Variants in HSD17B12 observed in about 807,000 individuals in gnomAD.
HSD17B12 encodes very-long-chain 3-oxoacyl-CoA reductase.
A neutral mutation model predicts 39.3 loss-of-function variants in HSD17B12; 32 were observed. That is an observed-to-expected ratio of 0.81 (90% CI 0.61 to 1.09). The LOEUF (loss-of-function observed/expected upper bound fraction) is 1.09, where lower values mean the gene tolerates loss of function less well. Ranked by LOEUF, HSD17B12 falls within the 50% of genes least tolerant of loss-of-function variation. HSD17B12 has a pLI of 0.00. For synonymous variants in HSD17B12, 150 were observed against 146.7 expected, an observed-to-expected ratio of 1.02 and a Z score of -0.16; for missense variants, 342 against 382.9, an observed-to-expected ratio of 0.89 and a Z score of 0.89.
chr11:43,835,026 G>A (rs185831687), intron 7 of HSD17B12, among the ~76,000 whole-genome samples: 4 of 152,194 alleles, frequency 2.6e-5, no homozygotes, highest in Middle Eastern at 3.4e-3. Flanking sequence ...TGTTTATTTG[G>A]ATATTTGTCA....
At chr11:43,678,210 T>C (rs1478869490), upstream of HSD17B12, among the ~76,000 whole-genome samples, 5 of 152,228 alleles carry the variant, frequency 3.3e-5, no homozygotes. Context: ...TTCATGTGTC[T>C]GTTGCCTGCA....
At chr11:43,709,091 GA>G (rs780481378) in intron 1 of HSD17B12, among the ~76,000 whole-genome samples, 11 of 152,234 alleles carry the variant, frequency 7.2e-5, no homozygotes, top group Non-Finnish European at 1.2e-4. Flanking sequence ...CTACATAAAA[GA>G]AAGAAATTGT....
Position 43,680,981 on chromosome 11 carries a change from T to C in HSD17B12, c.154T>C (p.Trp52Arg). The stretch of plus-strand genomic sequence containing the variant: ...GGGGGTCGGCCCGGGGCTCGGAGAA[T>C]GGGCAGGTGAGTCGGATGCAGCGCC... ...EAGVGPGLGEWAVVTGSTDGI... is the reference protein window; with the variant it reads ...EAGVGPGLGERAVVTGSTDGI... Residue 52 changes from tryptophan to arginine, a missense_variant, in exon 1 of 11, where the codon TGG (tryptophan) becomes CGG (arginine). Trp to Arg is a moderately radical substitution (Grantham distance 101). Coordinates refer to ENST00000278353, the MANE Select transcript of HSD17B12 (RefSeq NM_016142.3). 6.3e-7 allele frequency: 1 copy of C among 1,597,780 alleles called. No individual in the cohort carries two copies. Among genetic ancestry groups the C allele is most frequent in the Non-Finnish European group, 8.5e-7 (1 of 1,169,776 alleles).
chr11:43,801,626 A>ATG (rs1554969000), intron 4 of HSD17B12, among the ~76,000 whole-genome samples: 1 of 19,486 alleles, frequency 5.1e-5, no homozygotes, highest in Non-Finnish European at 1.5e-4. Context: ...ATATATATAT[A>ATG]TATATGTATA....
chr11:43,722,393 T>A (rs1034746295), intron 1 of HSD17B12, among the ~76,000 whole-genome samples: 3 of 152,222 alleles, frequency 2.0e-5, no homozygotes, highest in African/African-American at 7.2e-5. Context: ...GATGTATTTA[T>A]ATTTTAATGT....
the HSD17B12 span, among the ~76,000 whole-genome samples, chr11:43,634,106 A>AAAAAAAAAAAAAAC: frequency 2.2e-5 from 3 of 136,718 alleles, no homozygotes; most frequent in Non-Finnish European, 3.2e-5. Context: ...AAAAAAAAAA[A>AAAAAAAAAAAAAAC]AAAGAAAGAC....
chr11:43,666,511 T>C, the HSD17B12 span, among the ~76,000 whole-genome samples: 1 of 152,146 alleles, frequency 6.6e-6, no homozygotes, highest in Non-Finnish European at 1.5e-5. Context: ...GGCCATTTTT[T>C]GTTTGTTTGT....
chr11:43,722,833 G>GAA (rs5791587), intron 1 of HSD17B12, among the ~76,000 whole-genome samples: 11 of 150,028 alleles, frequency 7.3e-5, no homozygotes, highest in Non-Finnish European at 1.0e-4. Context: ...TGGGCAACAA[G>GAA]AAAAAAAAAA....
intron 1 of HSD17B12, among the ~76,000 whole-genome samples, chr11:43,700,013 A>G (rs1055133921): frequency 1.3e-5 from 2 of 152,128 alleles, no homozygotes; most frequent in African/African-American, 2.4e-5. Context: ...CTCTGGAGCT[A>G]GAGCAGAACT....
At chr11:43,607,057 A>G in the HSD17B12 span, among the ~76,000 whole-genome samples, 1 of 152,136 alleles carries the variant, frequency 6.6e-6, no homozygotes, top group Non-Finnish European at 1.5e-5. Context: ...ATATATGTAA[A>G]GTGCTTAGCT....
the HSD17B12 span, among the ~76,000 whole-genome samples, chr11:43,592,139 G>GT: frequency 6.6e-6 from 1 of 151,642 alleles, no homozygotes; most frequent in Admixed American, 6.6e-5. Context: ...TTTTTTTTCT[G>GT]TATGTGCTCA....
At chr11:43,740,887 T>G (rs1950357912) in intron 1 of HSD17B12, among the ~76,000 whole-genome samples, 2 of 152,240 alleles carry the variant, frequency 1.3e-5, no homozygotes, top group South Asian at 4.1e-4. Flanking sequence ...GAATGGGTAT[T>G]AAGGAAGGCA....
intron 7 of HSD17B12, chr11:43,833,536 C>T (rs1951335439): frequency 1.3e-5 from 2 of 152,176 alleles, no homozygotes; most frequent in Non-Finnish European, 2.9e-5. Context: ...CACAGAAGGC[C>T]AGAAATATTA....
At chr11:43,620,101 G>C in the HSD17B12 span, among the ~76,000 whole-genome samples, 1 of 152,200 alleles carries the variant, frequency 6.6e-6, no homozygotes, top group South Asian at 2.1e-4. Flanking sequence ...CATTGGCTTT[G>C]TAGTCAGCAA....
the HSD17B12 span, among the ~76,000 whole-genome samples, chr11:43,629,312 GTCCTGTAAGGACC>G: frequency 3.3e-5 from 5 of 152,122 alleles, no homozygotes; most frequent in African/African-American, 1.2e-4. Context: ...TTCTAATGGG[GTCCTGTAAGGACC>G]TGCTATTCAA....
intron 6 of HSD17B12, among the ~76,000 whole-genome samples, chr11:43,821,195 T>TA (rs1361431160): frequency 1.3e-5 from 2 of 152,254 alleles, no homozygotes; most frequent in African/African-American, 4.8e-5. Flanking sequence ...ATTTTGAGTT[T>TA]ATTCCTTTCT....
chr11:43,564,898 C>CTT, the HSD17B12 span, among the ~76,000 whole-genome samples: 210 of 140,614 alleles, frequency 1.5e-3, 3 homozygotes, highest in Middle Eastern at 3.5e-3. Context: ...CTTTCTTCTT[C>CTT]TTTTTTTTTT....
intron 1 of HSD17B12, chr11:43,734,174 C>A: frequency 6.4e-7 from 1 of 1,570,890 alleles, no homozygotes; most frequent in Non-Finnish European, 8.6e-7. Context: ...ACTAATCACC[C>A]AGAGAGAGCT....
upstream of HSD17B12, among the ~76,000 whole-genome samples, chr11:43,679,551 A>G (rs1409024094): frequency 1.3e-5 from 2 of 152,140 alleles, no homozygotes; most frequent in African/African-American, 2.4e-5. Context: ...CCATGCCTCT[A>G]TCTGGACTTC....
Sources: allele counts gnomAD v4.1 joint callset (sites outside exome capture counted in the v4.1 genomes callset), GRCh38; gene constraint gnomAD v4.1.1; transcripts MANE v1.5; gene names NCBI Gene and HGNC (gene_info 2026-07-23, HGNC 2026-07-21).